IMPACT: variants seen among roughly 807,000 people sequenced by gnomAD.
The protein encoded by IMPACT is impact RWD domain protein.
In IMPACT, 35 loss-of-function variants were observed where a neutral mutation model predicts 47.5. The observed-to-expected ratio is 0.74, with a 90% CI of 0.56 to 0.98. The LOEUF (loss-of-function observed/expected upper bound fraction) is 0.98. Among genes scored for constraint, IMPACT ranks in the 50% least tolerant of loss-of-function variants. IMPACT has a pLI of 0.00. For synonymous variants in IMPACT, 118 were observed against 125.6 expected (o/e 0.94, Z 0.40); for missense variants, 373 against 394.8 (o/e 0.94, Z 0.47).
In IMPACT at chr18:24,434,799, G is replaced by A. The variant is rs1342870456; in HGVS notation, c.282-3156G>A. On this transcript the variant is annotated intron_variant, in intron 4 of 10. Transcript: ENST00000284202. ...AAAATATATATATATATATATATGT[G>A]TGTGTGTGTGTATATATATGTGTAT... 4.3e-4 allele frequency among the ~76,000 whole-genome samples: 61 copies of A among 141,692 alleles called. 3 individuals carry two copies. Among genetic ancestry groups the A allele is most frequent in the Middle Eastern group, 3.8e-3 (1 of 260 alleles). 93.0% of individuals were successfully genotyped at this position (141,692 alleles called of 152,430 possible). A position where few individuals can be genotyped will look rare whatever the true frequency, so the allele number is the denominator to read the frequency against.
chr18:24,439,848 A>G (rs1414443805), intron 5 of IMPACT, among the ~76,000 whole-genome samples: 1 of 152,128 alleles, frequency 6.6e-6, no homozygotes, highest in Admixed American at 6.5e-5. Context: ...ACTGTGGCCT[A>G]GACAAGTTGA....
chr18:24,433,664 C>G (rs1422475993), intron 4 of IMPACT, among the ~76,000 whole-genome samples: 5 of 97,572 alleles, frequency 5.1e-5, no homozygotes, highest in African/African-American at 1.9e-4. Context: ...TGTGTGACAG[C>G]ATTTTTTTTT....
intron 4 of IMPACT, among the ~76,000 whole-genome samples, chr18:24,431,383 G>A (rs1053140421): frequency 2.0e-5 from 3 of 152,138 alleles, no homozygotes; most frequent in Non-Finnish European, 4.4e-5. Context: ...AGGGAATATG[G>A]TAGGAAAAGG....
At chr18:24,440,670 T>C in intron 6 of IMPACT, 52 bp downstream of exon 6, 1 of 1,432,900 alleles carries the variant, frequency 7.0e-7, no homozygotes, top group Non-Finnish European at 9.3e-7. Context: ...GGTAGTATTA[T>C]GTATTGTTCT....
At position 24,450,787 on chromosome 18, in the gene IMPACT, A is replaced by G. The variant is rs1909365256; in HGVS notation, c.903A>G (p.Ser301=). The G allele has an allele frequency of 6.2e-7, 1 of 1,609,380 alleles. No homozygotes were observed. Among genetic ancestry groups the G allele is most frequent in the South Asian group, 1.1e-5 (1 of 90,850 alleles). ...EKNYTNSPEE[S]SKALGKNKKV... ...ATTTGTGTCTTTTTCAGGAGGAGTC[A>G]TCTAAGGCTTTGGGAAAGAACAAAA... is the stretch of plus-strand genomic sequence containing the variant. Residue 301 remains serine, a synonymous_variant, in exon 11 of 11, where the codon TCA becomes TCG. Coordinates refer to ENST00000284202, the MANE Select transcript of IMPACT (RefSeq NM_018439.4).
chr18:24,440,894 A>C (rs1909092522), intron 6 of IMPACT, among the ~76,000 whole-genome samples: 1 of 152,216 alleles, frequency 6.6e-6, no homozygotes. Flanking sequence ...AAAGGCTATT[A>C]ACGTTTTTAG....
At position 24,451,696 on chromosome 18, in the gene IMPACT, C is replaced by G. The variant is rs954278233; in HGVS notation, c.*849C>G. 6 of 152,126 alleles carry G rather than the reference C, an allele frequency of 3.9e-5. No individual in the cohort carries two copies. Among genetic ancestry groups the G allele is most frequent in the Admixed American group, 6.5e-5 (1 of 15,268 alleles). The allele number at this position is 152,126 out of a possible 1,614,324, so 9.4% of individuals were successfully genotyped here. A position where few individuals can be genotyped will look rare whatever the true frequency, so the allele number is the denominator to read the frequency against. On this transcript the variant is annotated 3_prime_UTR_variant, in exon 11 of 11. Transcript: ENST00000284202. ...AACTATGATAGAAGTTAGGCTGTGG[C>G]AAATGGGACATTCGTAGAGTGGGAT...
chr18:24,436,957 A>C (rs890711319), intron 4 of IMPACT, among the ~76,000 whole-genome samples: 3 of 152,200 alleles, frequency 2.0e-5, no homozygotes, highest in Non-Finnish European at 4.4e-5. Context: ...ATTTTAGTGA[A>C]TAGCTTTACT....
chr18:24,441,251 G>A (rs976283402), intron 6 of IMPACT, among the ~76,000 whole-genome samples: 1 of 152,148 alleles, frequency 6.6e-6, no homozygotes, highest in Non-Finnish European at 1.5e-5. Flanking sequence ...CTGGAGTGCA[G>A]TGGCACGATC....
chr18:24,436,923 G>C (rs1908962192), intron 4 of IMPACT, among the ~76,000 whole-genome samples: 1 of 152,108 alleles, frequency 6.6e-6, no homozygotes, highest in Non-Finnish European at 1.5e-5. Flanking sequence ...CAAGTGATTA[G>C]TTTAACTTCA....
At chr18:24,428,974 A>G (rs1422542210) in intron 3 of IMPACT, 53 bp downstream of exon 3, 32 of 1,267,318 alleles carry the variant, frequency 2.5e-5, no homozygotes, top group Non-Finnish European at 1.1e-6. Context: ...ATTCTGAAAG[A>G]TGTTTATACT....
At chr18:24,442,677 A>G (rs1909145623) in intron 6 of IMPACT, among the ~76,000 whole-genome samples, 1 of 152,208 alleles carries the variant, frequency 6.6e-6, no homozygotes, top group Non-Finnish European at 1.5e-5. Context: ...AATAAATTTT[A>G]TATTAGCAGC....
At chr18:24,448,223 C>G (rs1016370528) in intron 9 of IMPACT, 40 bp downstream of exon 9, 74 of 1,390,236 alleles carry the variant, frequency 5.3e-5, no homozygotes, top group Non-Finnish European at 7.0e-5. Flanking sequence ...TCTGTACAAG[C>G]CATAAAATTT....
At chr18:24,436,573 G>T (rs934539628) in intron 4 of IMPACT, among the ~76,000 whole-genome samples, 1 of 145,958 alleles carries the variant, frequency 6.9e-6, no homozygotes, top group Non-Finnish European at 1.5e-5. Context: ...TTTTGAGAAG[G>T]GGTCTTTTTC....
intron 4 of IMPACT, among the ~76,000 whole-genome samples, chr18:24,437,677 T>A (rs1908984363): frequency 6.6e-6 from 1 of 152,236 alleles, no homozygotes; most frequent in African/African-American, 2.4e-5. Context: ...TCCATCTAGT[T>A]TGGAAATGTT....
At chr18:24,448,542 A>AT (rs535734668) in intron 9 of IMPACT, among the ~76,000 whole-genome samples, 53 of 148,272 alleles carry the variant, frequency 3.6e-4, no homozygotes, top group South Asian at 3.4e-3. Context: ...TAGATCCAGA[A>AT]TTTTTTTTTT....
chr18:24,450,888 A>G lies in IMPACT; in HGVS notation c.*41A>G, dbSNP rs751751782. 9.3e-6 allele frequency: 11 copies of G among 1,176,538 alleles called. No homozygotes were observed. The Admixed American group carries it at 1.6e-4, about 17-fold the overall frequency. 72.9% of individuals were successfully genotyped at this position (1,176,538 alleles called of 1,614,324 possible). A position where few individuals can be genotyped will look rare whatever the true frequency, so the allele number is the denominator to read the frequency against. ...GAAAGGTTAATTTGCCTATAATTAT[A>G]TATACATTCCATAGTCATCAAGGAA... On this transcript the variant is annotated 3_prime_UTR_variant, in exon 11 of 11. Coordinates refer to ENST00000284202, the MANE Select transcript of IMPACT (RefSeq NM_018439.4).
rs1909403752 is a variant in IMPACT at position 24,452,205 on chromosome 18, G to A, written c.*1358G>A. On this transcript the variant is annotated 3_prime_UTR_variant, in exon 11 of 11. Transcript: ENST00000284202. ...CTTTAAAAGATCCAACATCCTTACCGTTGGTATTTTTAGTAAGGTTATAGT... is the reference window on the plus strand; with the variant it reads ...CTTTAAAAGATCCAACATCCTTACCATTGGTATTTTTAGTAAGGTTATAGT... The A allele has an allele frequency of 2.0e-5, 3 of 152,054 alleles. No individual in the cohort carries two copies. Among genetic ancestry groups the A allele is most frequent in the Admixed American group, 6.6e-5 (1 of 15,254 alleles). The allele number at this position is 152,054 out of a possible 1,614,324, so 9.4% of individuals were successfully genotyped here.
rs995535534 is a variant in IMPACT, at chr18:24,451,206, C to T, written c.*359C>T. The T allele has an allele frequency of 4.4e-5, 7 of 160,034 alleles. No individual in the cohort carries two copies. Among genetic ancestry groups the T allele is most frequent in the African/African-American group, 7.2e-5 (3 of 41,744 alleles). The allele number at this position is 160,034 out of a possible 1,614,324, so 9.9% of individuals were successfully genotyped here. On this transcript the variant is annotated 3_prime_UTR_variant, in exon 11 of 11. Transcript: ENST00000284202. ...AATGTCTCTAGAGGAATATAAATAC[C>T]TGATTTCTTGTCATCGAGATTCTTG...
Sources: allele counts gnomAD v4.1 joint callset (sites outside exome capture counted in the v4.1 genomes callset), GRCh38; gene constraint gnomAD v4.1.1; transcripts MANE v1.5; gene names NCBI Gene and HGNC (gene_info 2026-07-23, HGNC 2026-07-21).